CYYR1: variants seen among roughly 807,000 people sequenced by gnomAD.
CYYR1 encodes cysteine and tyrosine rich 1, also known as cysteine and tyrosine-rich protein 1.
Under a neutral mutation model 15.2 loss-of-function variants are expected in CYYR1, and 14 were observed. The ratio of observed to expected loss-of-function variants is 0.92; its 90% CI spans 0.61 to 1.44. CYYR1 has a LOEUF of 1.44. Among genes scored for constraint, CYYR1 ranks in the 40% most tolerant of loss-of-function variants. The pLI is 0.00. For missense variants in CYYR1, 228 were observed against 209.5 expected, an observed-to-expected ratio of 1.09 and a Z score of -0.54; for synonymous variants, 80 against 77.4, an observed-to-expected ratio of 1.03 and a Z score of -0.18.
At chr21:26,471,639 AT>A (rs1266717890) in intron 3 of CYYR1, 1 of 152,222 alleles carries the variant, frequency 6.6e-6, no homozygotes, top group African/African-American at 2.4e-5. Flanking sequence ...TAATATTTGT[AT>A]AATTGTGGGC....
At chr21:26,543,811 CAGG>C (rs1978754891) in intron 2 of CYYR1, among the ~76,000 whole-genome samples, 1 of 152,044 alleles carries the variant, frequency 6.6e-6, no homozygotes, top group South Asian at 2.1e-4. Context: ...GAGGCTGAGG[CAGG>C]AGAATTGCTT....
chr21:26,505,755 A>G (rs1001935354), intron 2 of CYYR1, among the ~76,000 whole-genome samples: 3 of 152,214 alleles, frequency 2.0e-5, no homozygotes, highest in African/African-American at 7.2e-5. Context: ...TTGTTTACAT[A>G]ACACCATACA....
intron 1 of CYYR1, 64 bp downstream of exon 1, chr21:26,572,797 ACGTTAGC>A (rs1248888216): frequency 1.0e-5 from 16 of 1,573,752 alleles, no homozygotes; most frequent in Admixed American, 1.8e-5. Flanking sequence ...AGCTCAACCC[ACGTTAGC>A]CCGGACCGTG....
At chr21:26,538,679 A>G (rs1310773337) in intron 2 of CYYR1, among the ~76,000 whole-genome samples, 2 of 152,186 alleles carry the variant, frequency 1.3e-5, no homozygotes, top group African/African-American at 2.4e-5. Context: ...TTTGGGAGCA[A>G]GAGTGTGGCT....
intron 3 of CYYR1, chr21:26,471,275 G>T (rs1487401695): frequency 6.6e-6 from 1 of 152,166 alleles, no homozygotes; most frequent in African/African-American, 2.4e-5. Context: ...TTCTGCCAAA[G>T]CTTTTCCCTG....
At chr21:26,535,724 G>A (rs543092397) in intron 2 of CYYR1, among the ~76,000 whole-genome samples, 22 of 152,142 alleles carry the variant, frequency 1.4e-4, no homozygotes, top group African/African-American at 4.3e-4. Context: ...ACAGTGAGTC[G>A]GTGGCCACTC....
chr21:26,562,279 A>C (rs1326705948), intron 2 of CYYR1, among the ~76,000 whole-genome samples: 3 of 152,208 alleles, frequency 2.0e-5, no homozygotes, highest in African/African-American at 7.2e-5. Flanking sequence ...AACATCTCAA[A>C]GTTTGCATTC....
At chr21:26,558,345 A>C (rs1979949691) in intron 2 of CYYR1, among the ~76,000 whole-genome samples, 1 of 152,190 alleles carries the variant, frequency 6.6e-6, no homozygotes, top group Non-Finnish European at 1.5e-5. Context: ...CTTTCTTGAG[A>C]TATTTAATTT....
intron 2 of CYYR1, among the ~76,000 whole-genome samples, chr21:26,504,961 C>T (rs1458132347): frequency 6.6e-6 from 1 of 152,196 alleles, no homozygotes; most frequent in African/African-American, 2.4e-5. Context: ...TCTCCAGTTC[C>T]ATCCATGTCC....
In CYYR1 at chr21:26,474,685, G is replaced by A. The variant is rs118148831; in HGVS notation, c.334+5587C>T. Among the ~76,000 whole-genome samples, 603 of 152,140 alleles carry A rather than the reference G, an allele frequency of 4.0e-3. 5 individuals are homozygous for A. The highest frequency in any genetic ancestry group is 0.021 in the South Asian group (102 of 4,816). ...CCTAACCCTGCCTCTCAAGTCCCTT[G>A]ACTATTTTTCCTTCAAAAGTCTCTT... On this transcript the variant is annotated intron_variant, in intron 3 of 3. Transcript: ENST00000652641.
At chr21:26,510,844 T>A (rs1205856006) in intron 2 of CYYR1, among the ~76,000 whole-genome samples, 1 of 152,202 alleles carries the variant, frequency 6.6e-6, no homozygotes, top group Admixed American at 6.5e-5. Flanking sequence ...TATTTGTCAG[T>A]GTTATCTATT....
chr21:26,555,256 G>A (rs1024774292), intron 2 of CYYR1, among the ~76,000 whole-genome samples: 1 of 152,162 alleles, frequency 6.6e-6, no homozygotes, highest in Admixed American at 6.5e-5. Flanking sequence ...CAACCTCAAA[G>A]TAGAGTTTTC....
chr21:26,487,758 G>T (rs1420980615), intron 2 of CYYR1, among the ~76,000 whole-genome samples: 2 of 151,628 alleles, frequency 1.3e-5, no homozygotes, highest in African/African-American at 2.4e-5. Flanking sequence ...CTATGAGTCT[G>T]GTTACATGTA....
chr21:26,491,141 G>C (rs1221916314), intron 2 of CYYR1, among the ~76,000 whole-genome samples: 1 of 152,132 alleles, frequency 6.6e-6, no homozygotes, highest in Non-Finnish European at 1.5e-5. Context: ...CTGCACACAG[G>C]CTTTCCTGCT....
intron 2 of CYYR1, among the ~76,000 whole-genome samples, chr21:26,488,353 C>G (rs1020409585): frequency 1.3e-5 from 2 of 151,782 alleles, no homozygotes; most frequent in Non-Finnish European, 2.9e-5. Flanking sequence ...CCTCTGGGCT[C>G]AAGTGATTCT....
chr21:26,493,404 T>A (rs952476697), intron 2 of CYYR1, among the ~76,000 whole-genome samples: 1 of 152,150 alleles, frequency 6.6e-6, no homozygotes, highest in African/African-American at 2.4e-5. Context: ...GTAAAAGACT[T>A]AACTTGGCAA....
In CYYR1 at chr21:26,547,217, C is replaced by A. The variant is rs141511800; in HGVS notation, c.176+19049G>T. Among the ~76,000 whole-genome samples the A allele has an allele frequency of 1.7e-3, 263 of 152,252 alleles. 2 individuals carry two copies. Among genetic ancestry groups the A allele is most frequent in the Non-Finnish European group, 3.2e-3 (220 of 68,024 alleles). On this transcript the variant is annotated intron_variant, in intron 2 of 3. Transcript: ENST00000652641. Reference sequence around the variant, plus strand: ...AAGTCCCTTTGACCTTCTCCCCACTCCTGTCTCTCAATTCCCTGTCTCTCT... The same window carrying A: ...AAGTCCCTTTGACCTTCTCCCCACTACTGTCTCTCAATTCCCTGTCTCTCT...
In CYYR1 at chr21:26,466,502, T is replaced by C. The variant is rs1454641355; in HGVS notation, c.*1999A>G. The C allele has an allele frequency of 6.6e-6, 1 of 152,174 alleles. No individual in the cohort carries two copies. Among genetic ancestry groups the C allele is most frequent in the African/African-American group, 2.4e-5 (1 of 41,452 alleles). 9.4% of individuals were successfully genotyped at this position (152,174 alleles called of 1,614,324 possible). Reference sequence around the variant, plus strand: ...GGCCATAAACAACTCAAAGAAGAGATGGTGTGGACTGAACTGGCTTCTATT... The same window carrying C: ...GGCCATAAACAACTCAAAGAAGAGACGGTGTGGACTGAACTGGCTTCTATT... On this transcript the variant is annotated 3_prime_UTR_variant, in exon 4 of 4. Transcript: ENST00000652641.
At chr21:26,570,669 T>C (rs1470386129) in intron 1 of CYYR1, among the ~76,000 whole-genome samples, 2 of 152,228 alleles carry the variant, frequency 1.3e-5, no homozygotes, top group Non-Finnish European at 2.9e-5. Context: ...ATTTAGATTA[T>C]GAGCAGTGCA....
Sources: gnomAD v4.1 joint callset for allele counts (sites outside exome capture counted in the v4.1 genomes callset) on GRCh38, gnomAD v4.1.1 for gene constraint, MANE v1.5 for transcripts, NCBI Gene and HGNC (gene_info 2026-07-23, HGNC 2026-07-21) for gene names.